The following TMEM132B variants were observed in gnomAD, a reference collection of about 807,000 sequenced individuals.
TMEM132B encodes the protein transmembrane protein 132B.
In TMEM132B, 18 loss-of-function variants were observed where a neutral mutation model predicts 90.8. The observed-to-expected ratio is 0.20, with a 90% CI of 0.14 to 0.29. The LOEUF (loss-of-function observed/expected upper bound fraction) is 0.29, where lower values mean the gene tolerates loss of function less well. TMEM132B is among the 10% of genes least tolerant of loss of function. TMEM132B has a pLI of 1.00. For missense variants in TMEM132B, 1,096 were observed against 1,326.8 expected (o/e 0.83, Z 2.70); for synonymous variants, 504 against 523.3 (o/e 0.96, Z 0.50).
intron 1 of TMEM132B, among the ~76,000 whole-genome samples, chr12:125,234,756 C>T (rs1873895717): frequency 6.6e-6 from 1 of 152,140 alleles, no homozygotes; most frequent in Non-Finnish European, 1.5e-5. Context: ...CCAGGATGCA[C>T]CTAAAATGAT....
At chr12:125,501,088 G>C (rs1307075289) in intron 3 of TMEM132B, among the ~76,000 whole-genome samples, 1 of 152,158 alleles carries the variant, frequency 6.6e-6, no homozygotes, top group East Asian at 1.9e-4. Context: ...TCTCTTGTAA[G>C]GTTGAGAAAT....
intron 4 of TMEM132B, among the ~76,000 whole-genome samples, chr12:125,547,667 G>GGTTTCCC: frequency 6.6e-6 from 1 of 152,214 alleles, no homozygotes; most frequent in South Asian, 2.1e-4. Flanking sequence ...GCTCTTTGCA[G>GGTTTCCC]GTTTCCCTTG....
chr12:125,221,486 A>G (rs921794816), intron 1 of TMEM132B, among the ~76,000 whole-genome samples: 8 of 152,244 alleles, frequency 5.3e-5, no homozygotes, highest in Admixed American at 1.3e-4. Flanking sequence ...TGAGATCTGA[A>G]AAAGTTATTG....
chr12:125,388,293 G>T (rs1388535687), intron 2 of TMEM132B, among the ~76,000 whole-genome samples: 1 of 152,102 alleles, frequency 6.6e-6, no homozygotes, highest in East Asian at 1.9e-4. Flanking sequence ...GCTGGGCGTG[G>T]TGGTGCACGT....
chr12:125,503,262 G>C (rs1882744350), intron 3 of TMEM132B, among the ~76,000 whole-genome samples: 1 of 152,172 alleles, frequency 6.6e-6, no homozygotes, highest in Non-Finnish European at 1.5e-5. Flanking sequence ...CACCCTGGGG[G>C]CCCTCTCTGG....
intron 1 of TMEM132B, among the ~76,000 whole-genome samples, chr12:125,220,569 T>G (rs1415678770): frequency 1.3e-5 from 2 of 152,236 alleles, no homozygotes; most frequent in African/African-American, 4.8e-5. Flanking sequence ...TGTCGGCATT[T>G]CCAAGAGGTC....
chr12:125,440,951 A>G (rs1475828237), intron 3 of TMEM132B, among the ~76,000 whole-genome samples: 1 of 152,206 alleles, frequency 6.6e-6, no homozygotes, highest in South Asian at 2.1e-4. Context: ...GCTGTTCCCC[A>G]AAAACTGAAG....
At chr12:125,429,985 A>G (rs1370399171) in intron 3 of TMEM132B, among the ~76,000 whole-genome samples, 1 of 152,114 alleles carries the variant, frequency 6.6e-6, no homozygotes, top group African/African-American at 2.4e-5. Flanking sequence ...ATGTATTTGG[A>G]ATTCTTCTTG....
intron 1 of TMEM132B, among the ~76,000 whole-genome samples, chr12:125,290,517 A>G (rs998902201): frequency 6.6e-6 from 1 of 152,202 alleles, no homozygotes; most frequent in South Asian, 2.1e-4. Context: ...CATAAACTAC[A>G]TGAGGCATTG....
intron 3 of TMEM132B, among the ~76,000 whole-genome samples, chr12:125,461,079 C>T (rs1340772045): frequency 2.0e-5 from 3 of 152,160 alleles, no homozygotes; most frequent in Non-Finnish European, 4.4e-5. Flanking sequence ...TAAAGATGTT[C>T]AGGAAGGTGA....
chr12:125,417,410 G>T (rs991147271), intron 3 of TMEM132B, among the ~76,000 whole-genome samples: 1 of 152,166 alleles, frequency 6.6e-6, no homozygotes, highest in Admixed American at 6.5e-5. Flanking sequence ...AATGGTCTCT[G>T]TTGCCAGGGA....
At chr12:125,309,316 T>C (rs1467020630) in intron 1 of TMEM132B, among the ~76,000 whole-genome samples, 2 of 152,222 alleles carry the variant, frequency 1.3e-5, no homozygotes, top group Non-Finnish European at 2.9e-5. Context: ...TGCCAGATGT[T>C]TGTTCTTTTA....
intron 3 of TMEM132B, among the ~76,000 whole-genome samples, chr12:125,512,950 G>A (rs1297327663): frequency 6.6e-6 from 1 of 152,244 alleles, no homozygotes; most frequent in Non-Finnish European, 1.5e-5. Flanking sequence ...CAGGACATCA[G>A]TGTTGGTGGG....
chr12:125,539,020 T>C (rs1357474860), intron 4 of TMEM132B, among the ~76,000 whole-genome samples: 1 of 152,220 alleles, frequency 6.6e-6, no homozygotes, highest in African/African-American at 2.4e-5. Context: ...CCGCCTGTCC[T>C]GGCCTCCTGC....
intron 4 of TMEM132B, among the ~76,000 whole-genome samples, chr12:125,541,561 A>G (rs577697922): frequency 1.7e-4 from 26 of 152,190 alleles, no homozygotes; most frequent in Non-Finnish European, 3.2e-4. Flanking sequence ...TCATTACCAC[A>G]GGACTTCTTA....
intron 2 of TMEM132B, among the ~76,000 whole-genome samples, chr12:125,357,199 T>C (rs1487505675): frequency 6.6e-6 from 1 of 152,192 alleles, no homozygotes; most frequent in Non-Finnish European, 1.5e-5. Flanking sequence ...TAAGTAACAA[T>C]TTCATAAATA....
At chr12:125,328,181 G>A (rs531029622) in intron 1 of TMEM132B, among the ~76,000 whole-genome samples, 1 of 152,356 alleles carries the variant, frequency 6.6e-6, no homozygotes, top group East Asian at 1.9e-4. Flanking sequence ...TCACTCAGGT[G>A]GCTTCCCATT....
chr12:125,599,954 C>T (rs1566085763), intron 5 of TMEM132B, among the ~76,000 whole-genome samples: 1 of 152,080 alleles, frequency 6.6e-6, no homozygotes, highest in Admixed American at 6.5e-5. Flanking sequence ...AGCTCTCTGG[C>T]AGAGGTGCAT....
Position 125,323,495 on chromosome 12 carries a change from C to T in TMEM132B, c.68-25957C>T, listed in dbSNP as rs184917130. ...ACTGGCCAAATTCTCTACCCTCTTT[C>T]TGCCTCTCAGCTTCTTTGTTTGTTT... On this transcript the variant is annotated intron_variant, in intron 1 of 8. Transcript: ENST00000682704. Among the ~76,000 whole-genome samples, 3 of 140,202 alleles carry T rather than the reference C, an allele frequency of 2.1e-5. No homozygotes were observed. The East Asian group carries it at 6.6e-4, about 31-fold the overall frequency. The allele number at this position is 140,202 out of a possible 152,430, so 92.0% of individuals were successfully genotyped here. A position where few individuals can be genotyped will look rare whatever the true frequency, so the allele number is the denominator to read the frequency against.
Sources: gnomAD v4.1 joint callset for allele counts (sites outside exome capture counted in the v4.1 genomes callset) on GRCh38, gnomAD v4.1.1 for gene constraint, MANE v1.5 for transcripts, NCBI Gene and HGNC (gene_info 2026-07-23, HGNC 2026-07-21) for gene names.